The following TYW1B variants were observed in gnomAD, a reference collection of about 807,000 sequenced individuals.
TYW1B encodes the protein S-adenosyl-L-methionine-dependent tRNA 4-demethylwyosine synthase TYW1B.
TYW1B carries 73 observed loss-of-function variants against 86.9 expected under a neutral mutation model. The ratio of observed to expected loss-of-function variants is 0.84; its 90% CI spans 0.70 to 1.02. TYW1B has a LOEUF of 1.02. Among genes scored for constraint, TYW1B ranks in the 50% least tolerant of loss-of-function variants. TYW1B has a pLI of 0.00. For synonymous variants in TYW1B, 248 were observed against 292.8 expected (o/e 0.85, Z 1.56); for missense variants, 637 against 827.4 (o/e 0.77, Z 2.82).
intron 13 of TYW1B, among the ~76,000 whole-genome samples, chr7:72,577,736 G>A (rs1478995561): frequency 5.3e-5 from 8 of 152,122 alleles, no homozygotes; most frequent in Non-Finnish European, 7.4e-5. Flanking sequence ...AGACTGTGCC[G>A]ACAGCAGAAT....
At chr7:72,715,239 GCA>G (rs1443537109) in intron 9 of TYW1B, among the ~76,000 whole-genome samples, 2 of 152,000 alleles carry the variant, frequency 1.3e-5, no homozygotes, top group Non-Finnish European at 2.9e-5. Flanking sequence ...GTAGCCACTA[GCA>G]CACACCACTC....
chr7:72,718,924 G>A (rs1786840319), intron 9 of TYW1B, among the ~76,000 whole-genome samples: 2 of 152,020 alleles, frequency 1.3e-5, no homozygotes, highest in South Asian at 2.1e-4. Context: ...TAGCTCCACC[G>A]CGAAGGTAGT....
At position 72,627,504 on chromosome 7, in the gene TYW1B, AC is replaced by A. The variant is rs1199855970; in HGVS notation, c.1617+1382del. 3.0e-3 allele frequency among the ~76,000 whole-genome samples: 434 copies of A among 146,738 alleles called. 1 individual carries two copies. The highest frequency in any genetic ancestry group is 0.025 in the East Asian group (129 of 5,104). On this transcript the variant is annotated intron_variant, in intron 12 of 13. Transcript: ENST00000620995. ...ACATAACATAACATAACATAACATA[AC>A]ATAACATAAATAAAATAAAATAAAA...
Position 72,800,977 on chromosome 7 carries a change from T to C in TYW1B, c.846+1423A>G, listed in dbSNP as rs1156312354. Among the ~76,000 whole-genome samples, 8 of 152,268 alleles carry C rather than the reference T, an allele frequency of 5.3e-5. No individual in the cohort carries two copies. In the South Asian group the frequency reaches 6.2e-4, roughly 12 times the overall value. On this transcript the variant is annotated intron_variant, in intron 6 of 13. Coordinates refer to ENST00000620995, the MANE Select transcript of TYW1B (RefSeq NM_001145440.3). ...CCATTTGTTCGAGTCCACTTTGATATCATTCAGGAATGTTTTAAAGTTTTC... is the reference window on the plus strand; with the variant it reads ...CCATTTGTTCGAGTCCACTTTGATACCATTCAGGAATGTTTTAAAGTTTTC...
intron 2 of TYW1B, among the ~76,000 whole-genome samples, chr7:72,821,815 A>G (rs1239317339): frequency 6.6e-6 from 1 of 152,216 alleles, no homozygotes; most frequent in Non-Finnish European, 1.5e-5. Context: ...TTACAAGTAG[A>G]GCAGGCTTGG....
chr7:72,718,336 C>T (rs2844070), intron 9 of TYW1B, among the ~76,000 whole-genome samples: 5 of 152,038 alleles, frequency 3.3e-5, no homozygotes, highest in African/African-American at 9.7e-5. Flanking sequence ...TGGGACGGGG[C>T]GACAGTTGAA....
At chr7:72,809,596 G>A (rs539508337) in intron 4 of TYW1B, among the ~76,000 whole-genome samples, 16 of 152,220 alleles carry the variant, frequency 1.1e-4, no homozygotes, top group East Asian at 5.8e-4. Context: ...AAGGTTCAGA[G>A]AATGCTGATC....
intron 8 of TYW1B, among the ~76,000 whole-genome samples, chr7:72,738,112 G>A (rs1389420230): frequency 7.6e-5 from 8 of 104,578 alleles, no homozygotes; most frequent in Admixed American, 3.7e-4. Context: ...GAGGAGTCTC[G>A]CACAGTCACC....
intron 11 of TYW1B, among the ~76,000 whole-genome samples, chr7:72,690,816 C>T (rs1814133979): frequency 6.6e-6 from 1 of 151,168 alleles, no homozygotes; most frequent in Admixed American, 6.6e-5. Flanking sequence ...GGTGTGATCT[C>T]GGCTCGCTAC....
intron 9 of TYW1B, among the ~76,000 whole-genome samples, chr7:72,717,856 C>A (rs1247964212): frequency 6.6e-6 from 1 of 152,118 alleles, no homozygotes; most frequent in Non-Finnish European, 1.5e-5. Flanking sequence ...ACAGAATTGG[C>A]GTGGATTACA....
chr7:72,802,584 C>A, intron 5 of TYW1B, 62 bp from the exon 6 acceptor site: 4 of 1,596,440 alleles, frequency 2.5e-6, no homozygotes, highest in African/African-American at 2.7e-5. Flanking sequence ...TTCTCTCACC[C>A]TCCCTCCCAC....
chr7:72,784,181 A>AATCACAAC (rs1450760318), intron 6 of TYW1B, among the ~76,000 whole-genome samples: 7 of 152,140 alleles, frequency 4.6e-5, no homozygotes, highest in African/African-American at 1.4e-4. Context: ...TACATTTACA[A>AATCACAAC]ATCACAACAT....
At chr7:72,670,316 C>T (rs868994033) in intron 11 of TYW1B, among the ~76,000 whole-genome samples, 2 of 152,152 alleles carry the variant, frequency 1.3e-5, no homozygotes, top group Admixed American at 1.3e-4. Context: ...CTCAGCCTCC[C>T]GAGTAGCTGG....
chr7:72,591,144 T>G, intron 13 of TYW1B, among the ~76,000 whole-genome samples: 1 of 149,584 alleles, frequency 6.7e-6, no homozygotes, highest in East Asian at 2.0e-4. Context: ...CACATCCGAA[T>G]AGCAAAAAAA....
In TYW1B at chr7:72,700,155, C is replaced by CTTTTTTTTTTT. The variant is rs587689485; in HGVS notation, c.1371-5344_1371-5334dup. On this transcript the variant is annotated intron_variant, in intron 10 of 13. Transcript: ENST00000620995. ...TATCAATACATAAAGAGCTTTTACA[C>CTTTTTTTTTTT]TTTTTTTTTTTTTTTTTTTTTTTTT... Among the ~76,000 whole-genome samples, 8 of 74,250 alleles carry CTTTTTTTTTTT rather than the reference C, an allele frequency of 1.1e-4. 1 individual carries two copies. Among genetic ancestry groups the CTTTTTTTTTTT allele is most frequent in the Non-Finnish European group, 1.6e-4 (7 of 44,766 alleles). 48.7% of individuals were successfully genotyped at this position (74,250 alleles called of 152,430 possible). A position where few individuals can be genotyped will look rare whatever the true frequency, so the allele number is the denominator to read the frequency against.
chr7:72,723,466 T>G (rs1349155199), intron 9 of TYW1B, among the ~76,000 whole-genome samples: 1 of 152,036 alleles, frequency 6.6e-6, no homozygotes, highest in African/African-American at 2.4e-5. Flanking sequence ...AGATACAATA[T>G]TATTAAAATG....
At chr7:72,781,555 C>A (rs1231838683) in intron 6 of TYW1B, among the ~76,000 whole-genome samples, 1 of 152,142 alleles carries the variant, frequency 6.6e-6, no homozygotes, top group Non-Finnish European at 1.5e-5. Context: ...AAAGCCAGTG[C>A]CACAGTATTG....
chr7:72,610,542 A>C (rs1811908454), intron 13 of TYW1B, among the ~76,000 whole-genome samples: 1 of 151,894 alleles, frequency 6.6e-6, no homozygotes, highest in Non-Finnish European at 1.5e-5. Context: ...CATTCATCAC[A>C]GCCTTTGTCT....
At position 72,636,851 on chromosome 7, in the gene TYW1B, T is replaced by C. The variant is rs568194243; in HGVS notation, c.1507-7854A>G. On this transcript the variant is annotated intron_variant, in intron 11 of 13. Transcript: ENST00000620995. ...TTCTATGCTTATGAGTAAAAATCGC[T>C]TTTGTCTTATTCTTCTTAGAATTTG... 7.2e-5 allele frequency among the ~76,000 whole-genome samples: 11 copies of C among 152,310 alleles called. No individual in the cohort carries two copies. The East Asian group carries it at 1.9e-3, about 27-fold the overall frequency.
Sources: allele counts gnomAD v4.1 joint callset (sites outside exome capture counted in the v4.1 genomes callset), GRCh38; gene constraint gnomAD v4.1.1; transcripts MANE v1.5; gene names NCBI Gene and HGNC (gene_info 2026-07-23, HGNC 2026-07-21).